The following COLEC12 variants were observed in gnomAD, a reference collection of about 807,000 sequenced individuals.
COLEC12 encodes the protein collectin-12.
In COLEC12, 33 loss-of-function variants were observed where a neutral mutation model predicts 71.1. That is an observed-to-expected ratio of 0.46 (90% CI 0.35 to 0.62). The LOEUF (loss-of-function observed/expected upper bound fraction) is 0.62, where lower values mean the gene tolerates loss of function less well. Ranked by LOEUF, COLEC12 falls within the 20% of genes least tolerant of loss-of-function variation. The pLI, the probability that COLEC12 is intolerant of heterozygous loss-of-function variation, is 0.00. For synonymous variants in COLEC12, 350 were observed against 353.0 expected (o/e 0.99, Z 0.10); for missense variants, 765 against 916.1 (o/e 0.84, Z 2.13).
chr18:357,418 C>A lies in COLEC12; in HGVS notation c.163G>T (p.Ala55Ser). The stretch of plus-strand genomic sequence containing the variant: ...TGCTTACCTTTATATCCCAAAATGG[C>A]TACTGTGATTGTTAGCAAGGCACAC... The part of the protein sequence containing the change: ...ILCALLTITV[A>S]ILGYKVVEKM... Residue 55 changes from alanine to serine, a missense_variant, in exon 3 of 10, where the codon GCC (alanine) becomes TCC (serine). Ala to Ser is a moderately conservative substitution (Grantham distance 99). Transcript: ENST00000400256. 1 of 1,599,268 alleles carries A rather than the reference C, an allele frequency of 6.3e-7. No individual in the cohort carries two copies. Among genetic ancestry groups the A allele is most frequent in the Admixed American group, 1.8e-5 (1 of 56,642 alleles).
intron 2 of COLEC12, among the ~76,000 whole-genome samples, chr18:442,062 T>A (rs1224928445): frequency 2.7e-5 from 4 of 146,228 alleles, no homozygotes; most frequent in African/African-American, 7.7e-5. Context: ...CAGCTTCTGA[T>A]GACTGTCAGT....
chr18:415,489 C>T (rs368611435), intron 2 of COLEC12, among the ~76,000 whole-genome samples: 2 of 152,184 alleles, frequency 1.3e-5, no homozygotes, highest in Non-Finnish European at 1.5e-5. Flanking sequence ...TCAAGAGCTT[C>T]TCTGCACCAT....
intron 3 of COLEC12, among the ~76,000 whole-genome samples, chr18:350,372 C>G (rs568406002): frequency 1.2e-4 from 18 of 152,294 alleles, no homozygotes; most frequent in South Asian, 8.3e-4. Context: ...AACTGTAATT[C>G]CAGTTAAACC....
intron 2 of COLEC12, among the ~76,000 whole-genome samples, chr18:398,263 T>C (rs1361752519): frequency 1.3e-5 from 2 of 152,178 alleles, no homozygotes; most frequent in African/African-American, 2.4e-5. Context: ...TGTCACCCCA[T>C]AGTAGGTTTG....
Position 319,951 on chromosome 18 carries a change from T to G in COLEC12, c.*94A>C. On this transcript the variant is annotated 3_prime_UTR_variant, in exon 10 of 10. Transcript: ENST00000400256. The stretch of plus-strand genomic sequence containing the variant: ...AGTAATTGGTTTTCAGTGCTTTTTT[T>G]TTTTCAATCTGATGAGAAGGTGATG... 1 of 798,700 alleles carries G rather than the reference T, an allele frequency of 1.3e-6. No homozygotes were observed. The highest frequency in any genetic ancestry group is 2.1e-6 in the Non-Finnish European group (1 of 478,390). 49.5% of individuals were successfully genotyped at this position (798,700 alleles called of 1,614,324 possible).
At chr18:490,174 G>A (rs893665064) in intron 1 of COLEC12, among the ~76,000 whole-genome samples, 1 of 152,230 alleles carries the variant, frequency 6.6e-6, no homozygotes, top group African/African-American at 2.4e-5. Context: ...TGCTGAACTA[G>A]AGGCCACCTG....
intron 2 of COLEC12, among the ~76,000 whole-genome samples, chr18:406,892 A>G (rs1441539302): frequency 1.3e-5 from 2 of 152,238 alleles, no homozygotes; most frequent in African/African-American, 4.8e-5. Context: ...GACTGACCCC[A>G]GACCTCAGGA....
intron 2 of COLEC12, among the ~76,000 whole-genome samples, chr18:403,223 C>A (rs1398383173): frequency 1.3e-5 from 2 of 152,202 alleles, no homozygotes; most frequent in Non-Finnish European, 2.9e-5. Flanking sequence ...GTTACATGTA[C>A]ACATGAACAC....
chr18:432,584 T>A (rs1248569803), intron 2 of COLEC12, among the ~76,000 whole-genome samples: 2 of 152,204 alleles, frequency 1.3e-5, no homozygotes, highest in Non-Finnish European at 2.9e-5. Flanking sequence ...TGCTTATACG[T>A]GATTTCTTTT....
At chr18:401,471 AATGTTACAGCCAAGGCT>A (rs1915684730) in intron 2 of COLEC12, among the ~76,000 whole-genome samples, 1 of 152,338 alleles carries the variant, frequency 6.6e-6, no homozygotes, top group Admixed American at 6.5e-5. Context: ...CAATTGCAAG[AATGTTACAGCCAAGGCT>A]TCTCAGTTGC....
At chr18:473,423 C>T (rs113008860) in intron 2 of COLEC12, among the ~76,000 whole-genome samples, 2,247 of 152,182 alleles carry the variant, frequency 0.015, 65 homozygotes, top group African/African-American at 0.051. Flanking sequence ...AGTTCAGTGG[C>T]GTGATCTCGG....
At position 386,732 on chromosome 18, in the gene COLEC12, GC is replaced by G. The variant is rs148176080; in HGVS notation, c.59-29211del. Among the ~76,000 whole-genome samples the G allele has an allele frequency of 1.0e-3, 157 of 152,348 alleles. 3 individuals carry two copies. The highest frequency in any genetic ancestry group is 5.2e-3 in the East Asian group (27 of 5,188). Reference sequence around the variant, plus strand: ...GAACCAGGCAGACCTGAATTTGGAAGCTGAGAGCCTCAGTTTTCTCACTTAC... The same window carrying G: ...GAACCAGGCAGACCTGAATTTGGAAGTGAGAGCCTCAGTTTTCTCACTTAC... On this transcript the variant is annotated intron_variant, in intron 2 of 9. Transcript: ENST00000400256.
chr18:470,828 G>A (rs1917181861), intron 2 of COLEC12, among the ~76,000 whole-genome samples: 1 of 152,166 alleles, frequency 6.6e-6, no homozygotes, highest in South Asian at 2.1e-4. Context: ...TATTTAAACT[G>A]CTGTGGAAAT....
At chr18:439,785 T>C (rs1916478277) in intron 2 of COLEC12, among the ~76,000 whole-genome samples, 1 of 152,092 alleles carries the variant, frequency 6.6e-6, no homozygotes, top group South Asian at 2.1e-4. Context: ...ATATGAAGCA[T>C]CTGCAAAAAA....
chr18:423,469 T>C (rs1280146476), intron 2 of COLEC12, among the ~76,000 whole-genome samples: 1 of 152,174 alleles, frequency 6.6e-6, no homozygotes, highest in African/African-American at 2.4e-5. Context: ...AAAATCCTTT[T>C]GGTTATAAAT....
chr18:363,120 C>T (rs983459718), intron 2 of COLEC12, among the ~76,000 whole-genome samples: 1 of 152,058 alleles, frequency 6.6e-6, no homozygotes, highest in Non-Finnish European at 1.5e-5. Context: ...TGCAAAGGGC[C>T]AGAAGAATTC....
intron 2 of COLEC12, among the ~76,000 whole-genome samples, chr18:453,733 C>T (rs1427919670): frequency 2.0e-5 from 3 of 152,186 alleles, no homozygotes; most frequent in Non-Finnish European, 4.4e-5. Flanking sequence ...CAATTACGCT[C>T]CACTGAATGT....
intron 2 of COLEC12, among the ~76,000 whole-genome samples, chr18:454,555 G>A (rs369161900): frequency 1.3e-5 from 2 of 152,174 alleles, no homozygotes; most frequent in African/African-American, 2.4e-5. Context: ...GGTGGCAGGC[G>A]CCTGTAATTC....
intron 2 of COLEC12, among the ~76,000 whole-genome samples, chr18:394,705 G>A (rs4798129): frequency 0.99 from 151,554 of 152,322 alleles, 75,403 homozygotes; most frequent in Middle Eastern, 1. Flanking sequence ...TATAAAAGAA[G>A]AAGCTGAGGC....
Sources: gnomAD v4.1 joint callset for allele counts (sites outside exome capture counted in the v4.1 genomes callset) on GRCh38, gnomAD v4.1.1 for gene constraint, MANE v1.5 for transcripts, NCBI Gene and HGNC (gene_info 2026-07-23, HGNC 2026-07-21) for gene names.